LAMC1: variants seen among roughly 807,000 people sequenced by gnomAD.
The protein encoded by LAMC1 is laminin subunit gamma-1.
LAMC1 carries 38 observed loss-of-function variants against 173.6 expected under a neutral mutation model. The observed-to-expected ratio is 0.22, with a 90% CI of 0.17 to 0.29. The LOEUF (loss-of-function observed/expected upper bound fraction) is 0.29, where lower values mean the gene tolerates loss of function less well. Ranked by LOEUF, LAMC1 falls within the 10% of genes least tolerant of loss-of-function variation. The probability of loss-of-function intolerance (pLI) is 1.00; values close to 1 mark genes in which losing one functional copy is unlikely to be tolerated. For missense variants in LAMC1, 1,824 were observed against 2,051.8 expected (o/e 0.89, Z 2.14); for synonymous variants, 746 against 749.1 (o/e 1.00, Z 0.07).
chr1:183,099,654 T>C (rs1230662165), intron 1 of LAMC1, among the ~76,000 whole-genome samples: 1 of 152,116 alleles, frequency 6.6e-6, no homozygotes, highest in East Asian at 1.9e-4. Flanking sequence ...CTGTGAATGT[T>C]TGTGCACCTC....
intron 1 of LAMC1, among the ~76,000 whole-genome samples, chr1:183,026,763 T>G (rs1653698236): frequency 6.6e-6 from 1 of 151,754 alleles, no homozygotes; most frequent in Admixed American, 6.5e-5. Context: ...GAACTTTAAA[T>G]ACAGTAAACT....
At chr1:183,042,383 AG>A (rs1348199079) in intron 1 of LAMC1, among the ~76,000 whole-genome samples, 1 of 152,212 alleles carries the variant, frequency 6.6e-6, no homozygotes, top group Non-Finnish European at 1.5e-5. Flanking sequence ...ATCTGCCACC[AG>A]AGAGAGCTTA....
intron 1 of LAMC1, among the ~76,000 whole-genome samples, chr1:183,055,969 G>A (rs1229208725): frequency 2.6e-5 from 4 of 152,196 alleles, no homozygotes; most frequent in East Asian, 1.9e-4. Context: ...TAGAGTTACT[G>A]TTGGATTAAA....
chr1:183,057,450 T>C (rs1208697672), intron 1 of LAMC1, among the ~76,000 whole-genome samples: 1 of 152,150 alleles, frequency 6.6e-6, no homozygotes, highest in Non-Finnish European at 1.5e-5. Flanking sequence ...CCAAACCATA[T>C]AGAAATTTAT....
intron 1 of LAMC1, among the ~76,000 whole-genome samples, chr1:183,039,121 T>C (rs1226170972): frequency 6.6e-6 from 1 of 152,196 alleles, no homozygotes; most frequent in Non-Finnish European, 1.5e-5. Context: ...TGACATCATC[T>C]GTTTTGATGC....
intron 1 of LAMC1, among the ~76,000 whole-genome samples, chr1:183,089,290 GA>G (rs1167412065): frequency 6.7e-4 from 102 of 152,260 alleles, no homozygotes; most frequent in African/African-American, 2.4e-3. Flanking sequence ...ATGGATTGAA[GA>G]ACATTTCTTC....
intron 1 of LAMC1, among the ~76,000 whole-genome samples, chr1:183,029,719 A>G (rs1363742880): frequency 1.3e-5 from 2 of 152,170 alleles, no homozygotes; most frequent in African/African-American, 4.8e-5. Flanking sequence ...TCCCTATCAC[A>G]TAGGATTATC....
chr1:183,126,103 C>T lies in LAMC1; in HGVS notation c.2802-17C>T. 2 of 1,610,068 alleles carry T rather than the reference C, an allele frequency of 1.2e-6. No individual in the cohort carries two copies. The highest frequency in any genetic ancestry group is 1.1e-5 in the South Asian group (1 of 89,766). On this transcript the variant is annotated splice_polypyrimidine_tract_variant and intron_variant, in intron 15 of 27. Coordinates refer to ENST00000258341, the MANE Select transcript of LAMC1 (RefSeq NM_002293.4). ...TCTGTTTTTCTTGCCTGAGAAATGT[C>T]CTGTGTTCATTTTCAGGTGTGACTG...
At chr1:183,122,745 A>G (rs1207955228) in intron 13 of LAMC1, among the ~76,000 whole-genome samples, 2 of 152,174 alleles carry the variant, frequency 1.3e-5, no homozygotes, top group Non-Finnish European at 2.9e-5. Flanking sequence ...ATGGGAGCTC[A>G]CAGAGAAGGA....
intron 4 of LAMC1, among the ~76,000 whole-genome samples, chr1:183,112,984 A>G (rs745789994): frequency 2.0e-5 from 3 of 152,134 alleles, no homozygotes; most frequent in Non-Finnish European, 4.4e-5. Flanking sequence ...AACCTGGGCA[A>G]TATAGTGAAA....
chr1:183,053,512 A>G (rs377396700), intron 1 of LAMC1, among the ~76,000 whole-genome samples: 1 of 152,106 alleles, frequency 6.6e-6, no homozygotes, highest in East Asian at 1.9e-4. Flanking sequence ...TCTGAGTCTC[A>G]TCAGCTCTCC....
At chr1:183,126,373 GGC>G in intron 16 of LAMC1, 111 bp downstream of exon 16, 1 of 1,086,070 alleles carries the variant, frequency 9.2e-7, no homozygotes, top group Non-Finnish European at 1.3e-6. Context: ...TCATAGTCAG[GGC>G]TGTACCTAAG....
chr1:183,054,866 A>G (rs1654542260), intron 1 of LAMC1, among the ~76,000 whole-genome samples: 1 of 152,160 alleles, frequency 6.6e-6, no homozygotes, highest in African/African-American at 2.4e-5. Context: ...CTTCTACTGA[A>G]GAGGAGCAGG....
chr1:183,046,610 CTTTT>C (rs1055794017), intron 1 of LAMC1, among the ~76,000 whole-genome samples: 2 of 151,900 alleles, frequency 1.3e-5, no homozygotes, highest in African/African-American at 4.8e-5. Context: ...CTTTCTAACT[CTTTT>C]GTCACTGGTA....
intron 1 of LAMC1, 46 bp downstream of exon 1, chr1:183,024,180 C>T (rs1490378765): frequency 4.7e-6 from 7 of 1,490,984 alleles, no homozygotes; most frequent in Non-Finnish European, 6.3e-6. Context: ...GCCAGCAGCC[C>T]AGCTCCCGGA....
At chr1:183,045,266 T>C (rs1165897951) in intron 1 of LAMC1, among the ~76,000 whole-genome samples, 3 of 152,020 alleles carry the variant, frequency 2.0e-5, no homozygotes, top group Non-Finnish European at 2.9e-5. Context: ...CACATAAATA[T>C]GGAGTAGAAA....
At chr1:183,044,317 A>G (rs971241956) in intron 1 of LAMC1, among the ~76,000 whole-genome samples, 2 of 152,004 alleles carry the variant, frequency 1.3e-5, no homozygotes, top group Non-Finnish European at 2.9e-5. Context: ...TCTTCCCCAC[A>G]TCTTAGAAGT....
At chr1:183,129,657 A>G (rs1372501371) in intron 18 of LAMC1, among the ~76,000 whole-genome samples, 1 of 151,830 alleles carries the variant, frequency 6.6e-6, no homozygotes, top group African/African-American at 2.4e-5. Flanking sequence ...AATGGTTTTT[A>G]TATATTAATA....
At chr1:183,099,211 C>T (rs1028760499) in intron 1 of LAMC1, among the ~76,000 whole-genome samples, 6 of 152,142 alleles carry the variant, frequency 3.9e-5, no homozygotes, top group Admixed American at 2.0e-4. Flanking sequence ...ACCTCATCCT[C>T]CTGAGTAGCT....
Sources: gnomAD v4.1 joint callset for allele counts (sites outside exome capture counted in the v4.1 genomes callset) on GRCh38, gnomAD v4.1.1 for gene constraint, MANE v1.5 for transcripts, NCBI Gene and HGNC (gene_info 2026-07-23, HGNC 2026-07-21) for gene names.